PTPRD: variants seen among roughly 807,000 people sequenced by gnomAD.
The protein encoded by PTPRD is receptor-type tyrosine-protein phosphatase delta.
A neutral mutation model predicts 214.5 loss-of-function variants in PTPRD; 34 were observed. That is an observed-to-expected ratio of 0.16 (90% CI 0.12 to 0.21). The LOEUF (loss-of-function observed/expected upper bound fraction) is 0.21. PTPRD is among the 10% of genes least tolerant of loss of function. The pLI, the probability that PTPRD is intolerant of heterozygous loss-of-function variation, is 1.00. For synonymous variants in PTPRD, 1,128 were observed against 845.7 expected (o/e 1.33, Z -5.79); for missense variants, 2,545 against 2,398.7 (o/e 1.06, Z -1.27).
chr9:10,341,937 C>T (rs901244091), intron 2 of PTPRD, among the ~76,000 whole-genome samples: 17 of 151,932 alleles, frequency 1.1e-4, no homozygotes, highest in Non-Finnish European at 2.2e-4. Context: ...TGGTATCTTT[C>T]ACAGTGGTTT....
chr9:9,056,703 G>A (rs556944568), intron 10 of PTPRD, among the ~76,000 whole-genome samples: 29 of 152,288 alleles, frequency 1.9e-4, no homozygotes, highest in African/African-American at 6.3e-4. Context: ...GCCATTCAAC[G>A]ACACTAATCT....
At chr9:10,395,244 C>T (rs1029530491) in intron 2 of PTPRD, among the ~76,000 whole-genome samples, 1 of 151,388 alleles carries the variant, frequency 6.6e-6, no homozygotes, top group Admixed American at 6.6e-5. Flanking sequence ...AATGCTATCC[C>T]TCCCCCATCC....
At chr9:9,306,145 G>C (rs956066497) in intron 9 of PTPRD, among the ~76,000 whole-genome samples, 11 of 152,136 alleles carry the variant, frequency 7.2e-5, no homozygotes, top group African/African-American at 2.4e-4. Context: ...CTTTGGCCAA[G>C]TGGAAATTCT....
rs569246724 is a variant in PTPRD, at chr9:8,719,329, A to G, written c.64+14451T>C. On this transcript the variant is annotated intron_variant, in intron 12 of 45. Coordinates refer to ENST00000381196, the MANE Select transcript of PTPRD (RefSeq NM_002839.4). ...TACATTTTAAAGGTTAAGCGCCATT[A>G]GACATCTATGTTTATCAAGAGATGT... 2.6e-5 allele frequency among the ~76,000 whole-genome samples: 4 copies of G among 152,384 alleles called. 1 individual carries two copies. The highest frequency in any genetic ancestry group is 9.6e-5 in the African/African-American group (4 of 41,598).
chr9:9,902,743 C>T (rs976877649), intron 5 of PTPRD, among the ~76,000 whole-genome samples: 1 of 152,042 alleles, frequency 6.6e-6, no homozygotes, highest in African/African-American at 2.4e-5. Flanking sequence ...ACCTTAGATA[C>T]ATAGATAAAA....
chr9:10,351,685 G>C (rs1429094985), intron 2 of PTPRD, among the ~76,000 whole-genome samples: 9 of 148,858 alleles, frequency 6.0e-5, no homozygotes, highest in African/African-American at 1.2e-4. Context: ...TTTAATGACA[G>C]AGAGGGTTCC....
intron 11 of PTPRD, among the ~76,000 whole-genome samples, chr9:8,838,714 G>T (rs904650395): frequency 6.6e-6 from 1 of 151,838 alleles, no homozygotes; most frequent in African/African-American, 2.4e-5. Context: ...GTAGTTTGCA[G>T]GATAAAAATA....
intron 2 of PTPRD, among the ~76,000 whole-genome samples, chr9:10,423,907 T>G (rs2098582052): frequency 6.6e-6 from 1 of 152,004 alleles, no homozygotes; most frequent in Non-Finnish European, 1.5e-5. Context: ...TTTTTCCCTT[T>G]TCTTTTAAAT....
intron 8 of PTPRD, among the ~76,000 whole-genome samples, chr9:9,447,313 AC>A (rs1159531382): frequency 6.6e-6 from 1 of 152,078 alleles, no homozygotes; most frequent in African/African-American, 2.4e-5. Flanking sequence ...CTATATATGT[AC>A]CCCATGGAAT....
intron 16 of PTPRD, 86 bp downstream of exon 16, chr9:8,527,259 T>C: frequency 3.5e-6 from 5 of 1,409,324 alleles, no homozygotes; most frequent in Non-Finnish European, 4.9e-6. Context: ...GTAAAATGCA[T>C]GCCATGCATT....
At chr9:9,682,918 G>C (rs1269489165) in intron 7 of PTPRD, among the ~76,000 whole-genome samples, 1 of 151,720 alleles carries the variant, frequency 6.6e-6, no homozygotes, top group Admixed American at 6.6e-5. Flanking sequence ...AGGTGGTGAT[G>C]GGGAATGCCA....
intron 9 of PTPRD, among the ~76,000 whole-genome samples, chr9:9,310,556 T>G (rs1958620522): frequency 6.6e-6 from 1 of 152,166 alleles, no homozygotes; most frequent in South Asian, 2.1e-4. Context: ...AAGAAATACT[T>G]TAATTTGAAA....
At chr9:9,927,636 G>A (rs1340243881) in intron 5 of PTPRD, among the ~76,000 whole-genome samples, 3 of 152,010 alleles carry the variant, frequency 2.0e-5, no homozygotes, top group Non-Finnish European at 2.9e-5. Flanking sequence ...ATACTATTTA[G>A]TATCTAAATA....
chr9:9,969,279 T>C (rs1232752195), intron 4 of PTPRD, among the ~76,000 whole-genome samples: 3 of 152,120 alleles, frequency 2.0e-5, no homozygotes, highest in Non-Finnish European at 1.5e-5. Flanking sequence ...TAGTGGGAGA[T>C]GAAGCTGAAC....
At chr9:10,042,966 G>A (rs1320378708) in intron 3 of PTPRD, among the ~76,000 whole-genome samples, 3 of 151,844 alleles carry the variant, frequency 2.0e-5, no homozygotes, top group Non-Finnish European at 2.9e-5. Flanking sequence ...GATCAGTAAA[G>A]AAAGAACACT....
intron 3 of PTPRD, among the ~76,000 whole-genome samples, chr9:10,299,143 T>G (rs2095786209): frequency 1.3e-5 from 2 of 152,220 alleles, no homozygotes; most frequent in Admixed American, 1.3e-4. Context: ...AATATACATT[T>G]ATATTTTTTA....
intron 7 of PTPRD, among the ~76,000 whole-genome samples, chr9:9,618,128 T>C (rs1453637909): frequency 1.2e-5 from 1 of 82,264 alleles, no homozygotes; most frequent in South Asian, 3.9e-4. Context: ...GGTTGGAGAA[T>C]AGATTGGAAA....
intron 3 of PTPRD, among the ~76,000 whole-genome samples, chr9:10,066,136 C>T (rs1054765459): frequency 2.0e-5 from 3 of 151,668 alleles, no homozygotes; most frequent in East Asian, 1.9e-4. Flanking sequence ...GCCAATTCTG[C>T]AGGATACTTT....
chr9:9,019,296 GA>G (rs757848850), intron 10 of PTPRD, among the ~76,000 whole-genome samples: 1 of 45,874 alleles, frequency 2.2e-5, no homozygotes, highest in South Asian at 1.3e-3. Flanking sequence ...AAGAAAGAAA[GA>G]AAGAAAGAAA....
Sources: gnomAD v4.1 joint callset for allele counts (sites outside exome capture counted in the v4.1 genomes callset) on GRCh38, gnomAD v4.1.1 for gene constraint, MANE v1.5 for transcripts, NCBI Gene and HGNC (gene_info 2026-07-23, HGNC 2026-07-21) for gene names.